The following F11 variants were observed in gnomAD, a reference collection of about 807,000 sequenced individuals.
F11 encodes coagulation factor XI, also known as coagualtion factor XI.
F11 carries 78 observed loss-of-function variants against 76.5 expected under a neutral mutation model. That is an observed-to-expected ratio of 1.02 (90% CI 0.85 to 1.23). The LOEUF (loss-of-function observed/expected upper bound fraction) is 1.23, where lower values mean the gene tolerates loss of function less well. Among genes scored for constraint, F11 ranks in the 50% most tolerant of loss-of-function variants. The pLI, the probability that F11 is intolerant of heterozygous loss-of-function variation, is 0.00. For synonymous variants in F11, 278 were observed against 276.3 expected (o/e 1.01, Z -0.06); for missense variants, 742 against 771.4 (o/e 0.96, Z 0.45).
At chr4:186,268,136 T>G (rs1242959314) in intron 2 of F11, among the ~76,000 whole-genome samples, 1 of 152,032 alleles carries the variant, frequency 6.6e-6, no homozygotes, top group Non-Finnish European at 1.5e-5. Context: ...GAAGTGAAAT[T>G]TTTTAAAAAA....
chr4:186,268,866 A>G (rs1403127901), intron 2 of F11, among the ~76,000 whole-genome samples: 5 of 152,210 alleles, frequency 3.3e-5, no homozygotes, highest in Admixed American at 2.6e-4. Context: ...TAATGATATA[A>G]GATGACAAGA....
At chr4:186,272,677 G>C (rs954875752) in intron 3 of F11, among the ~76,000 whole-genome samples, 3 of 152,148 alleles carry the variant, frequency 2.0e-5, no homozygotes, top group African/African-American at 7.2e-5. Context: ...AAATATGTTA[G>C]GCTTTGTGGG....
rs1192339570 is a variant in F11, at chr4:186,285,779, C to G, written c.1446C>G (p.Ala482=). Residue 482 remains alanine (A), a synonymous_variant, in exon 12 of 15, where the codon GCC becomes GCG. Transcript: ENST00000403665. ...TGGCAGAAAGCGGGTATGATATTGCCTTGTTGAAACTGGAAACCACAGTGA... is the reference window on the plus strand; with the variant it reads ...TGGCAGAAAGCGGGTATGATATTGCGTTGTTGAAACTGGAAACCACAGTGA... The part of the protein sequence containing the change: ...YKMAESGYDI[A]LLKLETTVNY... 6.2e-7 allele frequency: 1 copy of G among 1,614,118 alleles called. No homozygotes were observed. Among genetic ancestry groups the G allele is most frequent in the Non-Finnish European group, 8.5e-7 (1 of 1,180,012 alleles).
intron 3 of F11, 84 bp downstream of exon 3, chr4:186,271,855 T>C (rs1002564461): frequency 1.4e-6 from 2 of 1,463,562 alleles, no homozygotes; most frequent in African/African-American, 1.4e-5. Flanking sequence ...TAACATTTTA[T>C]AAAATTTAAC....
chr4:186,276,092 A>G (rs1740352613), intron 6 of F11, 139 bp from the exon 7 acceptor site: 13 of 1,079,182 alleles, frequency 1.2e-5, no homozygotes, highest in South Asian at 1.1e-4. Flanking sequence ...TAATCATGCC[A>G]TTTTCTTCTA....
At chr4:186,270,551 A>G (rs1739865603) in intron 2 of F11, among the ~76,000 whole-genome samples, 1 of 151,872 alleles carries the variant, frequency 6.6e-6, no homozygotes, top group Non-Finnish European at 1.5e-5. Context: ...CCCCACTCCC[A>G]TCCTCCCATC....
At chr4:186,275,552 C>T (rs1022672279) in intron 5 of F11, among the ~76,000 whole-genome samples, 10 of 152,092 alleles carry the variant, frequency 6.6e-5, no homozygotes, top group African/African-American at 2.4e-4. Context: ...CATGCACTCT[C>T]CTTCTTCATG....
At chr4:186,287,243 G>A (rs1392342111) in intron 13 of F11, among the ~76,000 whole-genome samples, 1 of 151,734 alleles carries the variant, frequency 6.6e-6, no homozygotes, top group Non-Finnish European at 1.5e-5. Flanking sequence ...CAAAGTGCTG[G>A]AATTACAGGC....
At chr4:186,281,048 G>A (rs1740763700) in intron 10 of F11, among the ~76,000 whole-genome samples, 1 of 151,682 alleles carries the variant, frequency 6.6e-6, no homozygotes, top group Admixed American at 6.6e-5. Context: ...GTAGAGATGG[G>A]ATCTTGCCAT....
Position 186,280,316 on chromosome 4 carries a change from T to C in F11, c.959T>C (p.Leu320Pro), listed in dbSNP as rs281875268. 13 of 1,614,038 alleles carry C rather than the reference T, an allele frequency of 8.1e-6. No individual in the cohort carries two copies. The highest frequency in any genetic ancestry group is 1.1e-5 in the Non-Finnish European group (13 of 1,180,020). ...AAKSHEACQK[L>P]CTNAVRCQFF... ...AAAAGTCACGAGGCCTGCCAGAAAC[T>C]GTGCACCAATGCCGTCCGCTGCCAG... is the stretch of plus-strand genomic sequence containing the variant. Residue 320 changes from leucine (L) to proline (P), a missense_variant, in exon 9 of 15, where the codon CTG (leucine) becomes CCG (proline). Leu to Pro is a moderately conservative substitution (Grantham distance 98, BLOSUM62 -3). Transcript: ENST00000403665.
rs771786101 is a variant in F11 at position 186,280,116 on chromosome 4, T to C, written c.860T>C (p.Ile287Thr). 6.2e-7 allele frequency: 1 copy of C among 1,614,176 alleles called. No homozygotes were observed. The part of the protein sequence containing the change: ...GFSLQSCRHS[I>T]PVFCHSSFYH... ...AGTCTACAAAGCTGCAGGCACAGCA[T>C]CCCAGGTAAACTGAGAGTTCTGCAT... The change falls in exon 8 of 15, where the codon ATC becomes ACC. Residue 287 changes from isoleucine to threonine, a missense_variant. Coordinates refer to ENST00000403665, the MANE Select transcript of F11 (RefSeq NM_000128.4).
In F11 at chr4:186,284,022, C is replaced by A. The variant is rs1740984144; in HGVS notation, c.1136-70C>A. The A allele has an allele frequency of 6.8e-6, 11 of 1,611,334 alleles. No homozygotes were observed. The South Asian group carries it at 1.2e-4, about 18-fold the overall frequency. ...CTTGAGGAAAGGTTTTCTTCTTGTTCCTGAAGGAGCATAATTACTGATGGA... is the reference window on the plus strand; with the variant it reads ...CTTGAGGAAAGGTTTTCTTCTTGTTACTGAAGGAGCATAATTACTGATGGA... On this transcript the variant is annotated intron_variant, in intron 10 of 14. Coordinates refer to ENST00000403665, the MANE Select transcript of F11 (RefSeq NM_000128.4).
chr4:186,281,814 T>C, intron 10 of F11: 3 of 1,081,612 alleles, frequency 2.8e-6, no homozygotes, highest in Non-Finnish European at 3.6e-6. Context: ...CTGTGTCAGA[T>C]TATCTGCTGT....
chr4:186,286,269 G>T, intron 12 of F11, 146 bp from the exon 13 acceptor site: 1 of 783,176 alleles, frequency 1.3e-6, no homozygotes. Context: ...TGCTGAACCT[G>T]AGGGAGGAAA....
chr4:186,285,592 A>G (rs754739433), intron 11 of F11, 46 bp from the exon 12 acceptor site: 1 of 1,585,182 alleles, frequency 6.3e-7, no homozygotes, highest in South Asian at 1.1e-5. Flanking sequence ...TCTGGGAATT[A>G]TTTTTAGTAA....
intron 3 of F11, among the ~76,000 whole-genome samples, chr4:186,271,997 T>A (rs1253196737): frequency 3.3e-5 from 5 of 152,188 alleles, no homozygotes; most frequent in East Asian, 1.9e-4. Flanking sequence ...TATAGTCTCA[T>A]ATTAATGGTA....
downstream of F11, among the ~76,000 whole-genome samples, chr4:186,289,893 G>A (rs1048772179): frequency 2.6e-5 from 4 of 152,106 alleles, no homozygotes; most frequent in Admixed American, 6.5e-5. Flanking sequence ...ATGTTGGCCA[G>A]GCTGGTCTTG....
chr4:186,276,200 G>C (rs753766978), intron 6 of F11, 31 bp from the exon 7 acceptor site: 8 of 1,613,730 alleles, frequency 5.0e-6, no homozygotes, highest in Non-Finnish European at 6.8e-6. Context: ...CTGGTGAATT[G>C]AGTCCCTGAC....
intron 2 of F11, among the ~76,000 whole-genome samples, chr4:186,268,930 T>C (rs1485541958): frequency 6.6e-6 from 1 of 151,900 alleles, no homozygotes; most frequent in Admixed American, 6.6e-5. Flanking sequence ...AAAGAAGAAA[T>C]CGCAGAAATT....
Sources: gnomAD v4.1 joint callset for allele counts (sites outside exome capture counted in the v4.1 genomes callset) on GRCh38, gnomAD v4.1.1 for gene constraint, MANE v1.5 for transcripts, NCBI Gene and HGNC (gene_info 2026-07-23, HGNC 2026-07-21) for gene names.